PIEZO1: variants seen among roughly 807,000 people sequenced by gnomAD.
The protein encoded by PIEZO1 is piezo type mechanosensitive ion channel component 1 (Er blood group).
PIEZO1 carries 296 observed loss-of-function variants against 297.2 expected under a neutral mutation model. That is an observed-to-expected ratio of 1.00 (90% CI 0.91 to 1.10). The LOEUF is 1.10. Among genes scored for constraint, PIEZO1 ranks in the 50% least tolerant of loss-of-function variants. The pLI is 0.00. For missense variants in PIEZO1, 5,018 were observed against 3,455.5 expected (o/e 1.45, Z -11.34); for synonymous variants, 2,427 against 1,507.5 (o/e 1.61, Z -14.13).
intron 1 of PIEZO1, among the ~76,000 whole-genome samples, chr16:88,750,868 C>T (rs1906355263): frequency 6.6e-6 from 1 of 152,052 alleles, no homozygotes; most frequent in Non-Finnish European, 1.5e-5. Flanking sequence ...ACCCTCCACC[C>T]TCCACCCACC....
chr16:88,721,307 G>A lies in PIEZO1; in HGVS notation c.5527C>T (p.Gln1843Ter). The part of the protein sequence containing the change: ...VPAATTEDHI[Q>*]VEARVGPTDG... ...GTGGGTCCGACCCTGGCTTCCACCT[G>A]AATGTGGTCTTCGGTGGTGGCCGCA... Residue 1843 changes from glutamine to a stop codon, truncating the protein, a stop_gained, in exon 39 of 51, where the codon CAG becomes TAG. Coordinates refer to ENST00000301015, the MANE Select transcript of PIEZO1 (RefSeq NM_001142864.4). LOFTEE classifies it high-confidence loss of function. 3.2e-6 allele frequency: 5 copies of A among 1,546,000 alleles called. No homozygotes were observed. The highest frequency in any genetic ancestry group is 4.4e-6 in the Non-Finnish European group (5 of 1,146,712).
At chr16:88,721,471 T>C (rs1293014003) in intron 38 of PIEZO1, 41 bp from the exon 39 acceptor site, 29 of 1,538,954 alleles carry the variant, frequency 1.9e-5, no homozygotes, top group Middle Eastern at 1.7e-4. Context: ...CTTGCCTCCC[T>C]GGTGGAGAGC....
intron 2 of PIEZO1, among the ~76,000 whole-genome samples, chr16:88,749,106 G>A (rs573681377): frequency 5.2e-4 from 79 of 151,872 alleles, no homozygotes; most frequent in South Asian, 2.1e-4. Context: ...CAGGCGTGGT[G>A]GCGGGCGCCT....
chr16:88,775,678 A>C (rs1459907887), intron 1 of PIEZO1, among the ~76,000 whole-genome samples: 1 of 150,570 alleles, frequency 6.6e-6, no homozygotes, highest in Non-Finnish European at 1.5e-5. Flanking sequence ...GCAGTGAGCC[A>C]AGATCGTGCC....
At chr16:88,729,925 T>G (rs1011826430) in intron 22 of PIEZO1, among the ~76,000 whole-genome samples, 73 of 143,994 alleles carry the variant, frequency 5.1e-4, no homozygotes, top group East Asian at 3.4e-3. Flanking sequence ...AAAACAAAGT[T>G]ACCCTCGATG....
chr16:88,749,623 C>CG (rs2142863626), intron 1 of PIEZO1, 144 bp from the exon 2 acceptor site: 1 of 620,252 alleles, frequency 1.6e-6, no homozygotes. Flanking sequence ...CCGTGGAAGC[C>CG]GCCTCGCGCT....
intron 12 of PIEZO1, among the ~76,000 whole-genome samples, chr16:88,735,689 T>G (rs994613142): frequency 6.6e-6 from 1 of 152,286 alleles, no homozygotes; most frequent in African/African-American, 2.4e-5. Context: ...GACACGATGC[T>G]GGCACCCGTT....
rs1278788362 is a variant in PIEZO1 at position 88,716,502 on chromosome 16, C to G, written c.6927-19G>C. 6.5e-7 allele frequency: 1 copy of G among 1,541,454 alleles called. No individual in the cohort carries two copies. Among genetic ancestry groups the G allele is most frequent in the East Asian group, 2.5e-5 (1 of 40,814 alleles). ...CAGGTCCCTGGGGGTGGGAACACAG[C>G]GTGACCCACTGTAGTGGGTCCACCC... On this transcript the variant is annotated intron_variant, in intron 47 of 50. Coordinates refer to ENST00000301015, the MANE Select transcript of PIEZO1 (RefSeq NM_001142864.4).
intron 1 of PIEZO1, among the ~76,000 whole-genome samples, chr16:88,774,435 AC>A (rs138344687): frequency 0.011 from 1,712 of 152,268 alleles, 19 homozygotes; most frequent in South Asian, 0.033. Context: ...GGAGAAAGAC[AC>A]CCGTGGGTGC....
chr16:88,738,698 T>C lies in PIEZO1; in HGVS notation c.504A>G (p.Ala168=). 1 of 1,533,666 alleles carries C rather than the reference T, an allele frequency of 6.5e-7. No individual in the cohort carries two copies. Among genetic ancestry groups the C allele is most frequent in the Non-Finnish European group, 8.7e-7 (1 of 1,145,140 alleles). Residue 168 remains alanine (A), a synonymous_variant, in exon 6 of 51, where the codon GCA becomes GCG. Coordinates refer to ENST00000301015, the MANE Select transcript of PIEZO1 (RefSeq NM_001142864.4). ...CCAGCGTTGCTGCTTCCTGCAGCCC[T>C]GCCGTCGGGCTGGCATCCACATCCC... ...DERDVDASPT[A]GLQEAATLAP... is the part of the protein sequence containing the mutation.
At chr16:88,783,092 G>T (rs1426015629) in intron 1 of PIEZO1, among the ~76,000 whole-genome samples, 1 of 152,220 alleles carries the variant, frequency 6.6e-6, no homozygotes, top group African/African-American at 2.4e-5. Flanking sequence ...ATAGAAGACT[G>T]ACACGGGGCC....
At position 88,715,448 on chromosome 16, in the gene PIEZO1, C is replaced by G; in HGVS notation, c.*157G>C. 2 of 955,138 alleles carry G rather than the reference C, an allele frequency of 2.1e-6. No individual in the cohort carries two copies. The highest frequency in any genetic ancestry group is 2.4e-5 in the Admixed American group (1 of 41,154). 59.2% of individuals were successfully genotyped at this position (955,138 alleles called of 1,614,324 possible). On this transcript the variant is annotated 3_prime_UTR_variant, in exon 51 of 51. Coordinates refer to ENST00000301015, the MANE Select transcript of PIEZO1 (RefSeq NM_001142864.4). ...GGCCGTGGGGACGCAGTGTCCTTCT[C>G]TGACAGCAGCATCAGGGCTCAGGCA...
At chr16:88,749,254 AT>A (rs1209633382) in intron 2 of PIEZO1, 129 bp downstream of exon 2, 13 of 577,958 alleles carry the variant, frequency 2.2e-5, no homozygotes, top group Admixed American at 4.1e-5. Flanking sequence ...AAAAAAAAAA[AT>A]TTTATTTCGG....
rs907865276 is a variant in PIEZO1 at position 88,720,407 on chromosome 16, A to G, written c.5927T>C (p.Ile1976Thr). Residue 1976 changes from isoleucine to threonine, a missense_variant, in exon 41 of 51, where the codon ATT (isoleucine) becomes ACT (threonine). Ile to Thr is a moderately conservative substitution (Grantham distance 89). Transcript: ENST00000301015. ...CACCCCAAAGGCCCAGAAGCCAAAAATGATGATGATGAAGTCGACAACATC... is the reference window on the plus strand; with the variant it reads ...CACCCCAAAGGCCCAGAAGCCAAAAGTGATGATGATGAAGTCGACAACATC... ...LADVVDFIII[I>T]FGFWAFGKHS... 43 of 1,550,090 alleles carry G rather than the reference A, an allele frequency of 2.8e-5. No homozygotes were observed. The highest frequency in any genetic ancestry group is 9.8e-5 in the East Asian group (4 of 40,908).
chr16:88,723,892 C>T lies in PIEZO1; in HGVS notation c.4314G>A (p.Pro1438=), dbSNP rs781280657. 3.4e-5 allele frequency: 52 copies of T among 1,544,694 alleles called. No individual in the cohort carries two copies. Among genetic ancestry groups the T allele is most frequent in the East Asian group, 7.3e-5 (3 of 40,914 alleles). The change falls in exon 31 of 51, where the codon CCG becomes CCA. Residue 1438 remains proline (P), a synonymous_variant. Transcript: ENST00000301015. ...EEEAVPEDPR[P]SAQSAFQLAY... is the part of the protein sequence containing the mutation. Reference sequence around the variant, plus strand: ...TCACCTGGAAGGCACTCTGTGCCGACGGCCTCGGGTCTTCAGGAACAGCCT... The same window carrying T: ...TCACCTGGAAGGCACTCTGTGCCGATGGCCTCGGGTCTTCAGGAACAGCCT...
chr16:88,734,313 G>A (rs1378429613), intron 16 of PIEZO1, 43 bp downstream of exon 16: 3 of 1,460,990 alleles, frequency 2.1e-6, no homozygotes, highest in African/African-American at 2.8e-5. Flanking sequence ...TGGCCCAGGA[G>A]GCTACACCTC....
At chr16:88,740,908 C>T (rs1905602765) in intron 5 of PIEZO1, 1 of 152,424 alleles carries the variant, frequency 6.6e-6, no homozygotes, top group Non-Finnish European at 1.5e-5. Context: ...TGTCGCAGGC[C>T]CCAGCTCATG....
intron 1 of PIEZO1, among the ~76,000 whole-genome samples, chr16:88,750,239 G>C (rs900801730): frequency 2.6e-5 from 4 of 152,098 alleles, no homozygotes; most frequent in African/African-American, 9.7e-5. Context: ...AGGAGGCTGA[G>C]GCAGGAGAAT....
Position 88,726,879 on chromosome 16 carries a change from C to T in PIEZO1, c.3535G>A (p.Ala1179Thr), listed in dbSNP as rs1904481871. ...AGCCCGAAGATGCTGATGCGGGTGG[C>T]CCCCGTGACAAACACCACCACCAGC... ...LVLVVVFVTG[A>T]TRISIFGLGY... The change falls in exon 25 of 51, where the codon GCC (alanine) becomes ACC (threonine). Residue 1179 changes from alanine to threonine, a missense_variant. Ala to Thr is a moderately conservative substitution (Grantham distance 58). Coordinates refer to ENST00000301015, the MANE Select transcript of PIEZO1 (RefSeq NM_001142864.4). 6.5e-7 allele frequency: 1 copy of T among 1,550,374 alleles called. No individual in the cohort carries two copies. Among genetic ancestry groups the T allele is most frequent in the East Asian group, 2.4e-5 (1 of 40,918 alleles).
Sources: allele counts gnomAD v4.1 joint callset (sites outside exome capture counted in the v4.1 genomes callset), GRCh38; gene constraint gnomAD v4.1.1; transcripts MANE v1.5; gene names NCBI Gene and HGNC (gene_info 2026-07-23, HGNC 2026-07-21).